Variants in C1RL observed in about 807,000 individuals in gnomAD.
C1RL encodes the protein complement C1r subcomponent like.
Under a neutral mutation model 27.9 loss-of-function variants are expected in C1RL, and 27 were observed. The observed-to-expected ratio is 0.97, with a 90% CI of 0.71 to 1.33. The LOEUF is 1.33. Ranked by LOEUF, C1RL falls within the 40% of genes most tolerant of loss-of-function variation. The pLI is 0.00. For missense variants in C1RL, 563 were observed against 623.9 expected (o/e 0.90, Z 1.04); for synonymous variants, 248 against 252.1 (o/e 0.98, Z 0.15).
At position 7,096,164 on chromosome 12, in the gene C1RL, G is replaced by A. The variant is rs1938418030; in HGVS notation, c.*227C>T. 1.5e-6 allele frequency: 2 copies of A among 1,338,198 alleles called. No homozygotes were observed. Among genetic ancestry groups the A allele is most frequent in the South Asian group, 2.0e-5 (1 of 50,784 alleles). 82.9% of individuals were successfully genotyped at this position (1,338,198 alleles called of 1,614,324 possible). ...GCATGAGCACAGGGAGGTAGAGGGT[G>A]AGGAGGAGCGGTCTGTGGGACTCTG... On this transcript the variant is annotated 3_prime_UTR_variant, in exon 6 of 6. Transcript: ENST00000266542.
At chr12:7,097,812 A>G in intron 5 of C1RL, among the ~76,000 whole-genome samples, 1 of 152,084 alleles carries the variant, frequency 6.6e-6, no homozygotes. Context: ...CTGGGCCCCC[A>G]TACTACAGGC....
At position 7,096,655 on chromosome 12, in the gene C1RL, C is replaced by T. The variant is rs1468441460; in HGVS notation, c.1200G>A (p.Glu400=). 4.3e-6 allele frequency: 7 copies of T among 1,614,120 alleles called. No individual in the cohort carries two copies. In the East Asian group the frequency reaches 1.3e-4, roughly 31 times the overall value. The change falls in exon 6 of 6, where the codon GAG becomes GAA. Residue 400 remains glutamate (E), a synonymous_variant. Coordinates refer to ENST00000266542, the MANE Select transcript of C1RL (RefSeq NM_016546.4). ...KYSRLPVAPR[E]ACNAWLQKRQ... is the part of the protein sequence containing the mutation. ...TCTTTTGGAGCCAGGCGTTGCAGGC[C>T]TCCCTGGGAGCTACAGGCAGCCTCG... is the stretch of plus-strand genomic sequence containing the variant.
Position 7,099,736 on chromosome 12 carries a change from C to T in C1RL, c.641G>A (p.Gly214Glu). 5 of 1,571,934 alleles carry T rather than the reference C, an allele frequency of 3.2e-6. No individual in the cohort carries two copies. The highest frequency in any genetic ancestry group is 4.3e-6 in the Non-Finnish European group (5 of 1,158,188). The change falls in exon 5 of 6, where the codon GGG becomes GAG. Residue 214 changes from glycine to glutamate, a missense_variant. Transcript: ENST00000266542. ...CCCATCCTGTCTGTCTTTCCAGGTCCCTGGGGTTGCACAGGTGAGTGCCCC... is the reference window on the plus strand; with the variant it reads ...CCCATCCTGTCTGTCTTTCCAGGTCTCTGGGGTTGCACAGGTGAGTGCCCC... Reference protein sequence around the residue: ...AAGALTCATPGTWKDRQDGEE... With the variant: ...AAGALTCATPETWKDRQDGEE...
rs746562099 is a variant in C1RL, at chr12:7,096,894, G to A, written c.961C>T (p.Arg321Cys). ...MLKLGNHPVH[R>C]VVVHPDYRQN... ...CGGTAGTCGGGGTGCACAACGACAC[G>A]GTGGACAGGGTGGTTCCCCAGTTTC... The change falls in exon 6 of 6, where the codon CGT becomes TGT. Residue 321 changes from arginine to cysteine, a missense_variant. Physicochemically the swap from Arg to Cys is radical, Grantham distance 180 (BLOSUM62 -3). Transcript: ENST00000266542. 6.9e-6 allele frequency: 11 copies of A among 1,599,336 alleles called. No homozygotes were observed. In the East Asian group the frequency reaches 1.6e-4, roughly 23 times the overall value.
chr12:7,107,750 T>C (rs1196411413), intron 2 of C1RL, among the ~76,000 whole-genome samples: 1 of 152,202 alleles, frequency 6.6e-6, no homozygotes, highest in African/African-American at 2.4e-5. Flanking sequence ...ACTGCAAGCT[T>C]GCATCACTCC....
At chr12:7,100,121 T>G (rs1938575190) in intron 3 of C1RL, 95 bp from the exon 4 acceptor site, 1 of 1,200,332 alleles carries the variant, frequency 8.3e-7, no homozygotes, top group Non-Finnish European at 1.1e-6. Context: ...TGCACAGTGT[T>G]TTATTTTTTA....
intron 2 of C1RL, among the ~76,000 whole-genome samples, chr12:7,107,306 C>G (rs1295272540): frequency 6.6e-6 from 1 of 152,010 alleles, no homozygotes; most frequent in Admixed American, 6.5e-5. Context: ...GTAGCTGGGA[C>G]CACAGGTGCG....
rs1364291528 is a variant in C1RL, at chr12:7,108,222, T to G, written c.300+29A>C. On this transcript the variant is annotated intron_variant, in intron 2 of 5. Transcript: ENST00000266542. ...CCGGGAATCTCCCTGGCCACAGTCC[T>G]GGCGGGACCCCCCCCATCCCCAGCT... 1.9e-6 allele frequency: 3 copies of G among 1,555,940 alleles called. No homozygotes were observed. The Admixed American group carries it at 5.3e-5, about 28-fold the overall frequency.
chr12:7,097,045 C>T lies in C1RL; in HGVS notation c.810G>A (p.Gly270=), dbSNP rs775873813. The T allele has an allele frequency of 7.4e-6, 12 of 1,614,118 alleles. No homozygotes were observed. The highest frequency in any genetic ancestry group is 2.2e-5 in the South Asian group (2 of 91,082). ...AFTSIHGRGG[G]ALLGDRWILT... is the part of the protein sequence containing the mutation. ...GGATCCATCTGTCCCCCAGCAGGGC[C>T]CCGCCCCCACGGCCGTGGATACTGG... Residue 270 remains glycine (G), a synonymous_variant, in exon 6 of 6, where the codon GGG becomes GGA. Transcript: ENST00000266542.
intron 3 of C1RL, 61 bp downstream of exon 3, chr12:7,101,837 A>C: frequency 6.5e-7 from 1 of 1,548,732 alleles, no homozygotes; most frequent in Non-Finnish European, 8.9e-7. Context: ...AGGCTTGAAG[A>C]TACCAGGGTC....
At chr12:7,102,186 C>T (rs1310628848) in intron 2 of C1RL, 99 bp from the exon 3 acceptor site, 3 of 1,272,252 alleles carry the variant, frequency 2.4e-6, no homozygotes, top group African/African-American at 2.9e-5. Flanking sequence ...CCTGCCCCAT[C>T]TAGACGGGCC....
At position 7,096,917 on chromosome 12, in the gene C1RL, T is replaced by A; in HGVS notation, c.938A>T (p.Lys313Ile). 2 of 1,604,502 alleles carry A rather than the reference T, an allele frequency of 1.2e-6. No individual in the cohort carries two copies. The highest frequency in any genetic ancestry group is 2.2e-5 in the East Asian group (1 of 44,728). Residue 313 changes from lysine to isoleucine, a missense_variant, in exon 6 of 6, where the codon AAA (lysine) becomes ATA (isoleucine). Coordinates refer to ENST00000266542, the MANE Select transcript of C1RL (RefSeq NM_016546.4). ...ACGGTGGACAGGGTGGTTCCCCAGT[T>A]TCAGCATCTCATCTATGGCTGTGTG... ...LGHTAIDEML[K>I]LGNHPVHRVV... is the part of the protein sequence containing the mutation.
rs766663373 is a variant in C1RL at position 7,102,041 on chromosome 12, C to T, written c.347G>A (p.Gly116Asp). 1.7e-5 allele frequency: 28 copies of T among 1,613,570 alleles called. No individual in the cohort carries two copies. The highest frequency in any genetic ancestry group is 6.7e-5 in the Admixed American group (4 of 59,996). ...ACCAGGGGGCCTGCCCAGAGGGGAG[C>T]CTTGCTGACCACAGAACTGGCTTGG... ...SDPSQFCGQQ[G>D]SPLGRPPGQR... Residue 116 changes from glycine to aspartate, a missense_variant, in exon 3 of 6, where the codon GGC becomes GAC. Coordinates refer to ENST00000266542, the MANE Select transcript of C1RL (RefSeq NM_016546.4).
chr12:7,099,225 C>CAAAAAAAAA (rs1180325788), intron 5 of C1RL, among the ~76,000 whole-genome samples: 4 of 44,392 alleles, frequency 9.0e-5, no homozygotes, highest in Admixed American at 3.5e-4. Flanking sequence ...AACTCCATCC[C>CAAAAAAAAA]AAAAAAAAAA....
At chr12:7,097,324 C>T in intron 5 of C1RL, 161 bp from the exon 6 acceptor site, 1 of 658,204 alleles carries the variant, frequency 1.5e-6, no homozygotes. Flanking sequence ...CTCTTGTTGC[C>T]CAGACTGGAG....
At chr12:7,108,510 C>A in intron 1 of C1RL, 31 bp from the exon 2 acceptor site, 1 of 1,535,586 alleles carries the variant, frequency 6.5e-7, no homozygotes, top group South Asian at 1.2e-5. Context: ...AAGGTGGGGC[C>A]GCGCAGCTAT....
In C1RL at chr12:7,096,876, C is replaced by T. The variant is rs150866407; in HGVS notation, c.979G>A (p.Asp327Asn). 2.0e-4 allele frequency: 321 copies of T among 1,598,842 alleles called. 1 individual carries two copies. The highest frequency in any genetic ancestry group is 2.7e-4 in the South Asian group (24 of 88,594). ...HPVHRVVVHP[D>N]YRQNESHNFS... is the part of the protein sequence containing the mutation. Reference sequence around the variant, plus strand: ...TTATGGGACTCATTCTGACGGTAGTCGGGGTGCACAACGACACGGTGGACA... The same window carrying T: ...TTATGGGACTCATTCTGACGGTAGTTGGGGTGCACAACGACACGGTGGACA... The change falls in exon 6 of 6, where the codon GAC (aspartate) becomes AAC (asparagine). Residue 327 changes from aspartate to asparagine, a missense_variant. Asp to Asn is a conservative substitution (Grantham distance 23). Coordinates refer to ENST00000266542, the MANE Select transcript of C1RL (RefSeq NM_016546.4).
rs1938416459 is a variant in C1RL, at chr12:7,096,138, T to C, written c.*253A>G. On this transcript the variant is annotated 3_prime_UTR_variant, in exon 6 of 6. Coordinates refer to ENST00000266542, the MANE Select transcript of C1RL (RefSeq NM_016546.4). ...GATGTACAGGCTTCCCGGGGCCTAG[T>C]GCATGAGCACAGGGAGGTAGAGGGT... 3 of 1,273,306 alleles carry C rather than the reference T, an allele frequency of 2.4e-6. No individual in the cohort carries two copies. The highest frequency in any genetic ancestry group is 3.0e-6 in the Non-Finnish European group (3 of 1,009,738). 78.9% of individuals were successfully genotyped at this position (1,273,306 alleles called of 1,614,324 possible). A position where few individuals can be genotyped will look rare whatever the true frequency, so the allele number is the denominator to read the frequency against.
At position 7,094,856 on chromosome 12, in the gene C1RL, A is replaced by C; in HGVS notation, c.*1535T>G. ...AGCCTCCTGAGTGGCTGGGGGTATA[A>C]GTGTGCATCATTGCACCTGCCTTTT... On this transcript the variant is annotated 3_prime_UTR_variant, in exon 6 of 6. Coordinates refer to ENST00000266542, the MANE Select transcript of C1RL (RefSeq NM_016546.4). 2 of 996,148 alleles carry C rather than the reference A, an allele frequency of 2.0e-6. No individual in the cohort carries two copies. The highest frequency in any genetic ancestry group is 2.4e-6 in the Non-Finnish European group (2 of 835,350). 61.7% of individuals were successfully genotyped at this position (996,148 alleles called of 1,614,324 possible).
Sources: allele counts gnomAD v4.1 joint callset (sites outside exome capture counted in the v4.1 genomes callset), GRCh38; gene constraint gnomAD v4.1.1; transcripts MANE v1.5; gene names NCBI Gene and HGNC (gene_info 2026-07-23, HGNC 2026-07-21).